TTLL6: variants seen among roughly 807,000 people sequenced by gnomAD.
TTLL6 encodes the protein tubulin tyrosine ligase like 6.
TTLL6 carries 75 observed loss-of-function variants against 96.4 expected under a neutral mutation model. That is an observed-to-expected ratio of 0.78 (90% confidence interval 0.65 to 0.94). The LOEUF is 0.94. Among genes scored for constraint, TTLL6 ranks in the 40% least tolerant of loss-of-function variants. The pLI is 0.00. For synonymous variants in TTLL6, 411 were observed against 419.4 expected (o/e 0.98, Z 0.24); for missense variants, 1,030 against 1,093.0 (o/e 0.94, Z 0.81).
chr17:48,800,667 G>A (rs2039393491), intron 5 of TTLL6, among the ~76,000 whole-genome samples: 1 of 152,100 alleles, frequency 6.6e-6, no homozygotes, highest in South Asian at 2.1e-4. Context: ...TGGTGACAGT[G>A]TTCTACCCCT....
rs376141621 is a variant in TTLL6 at position 48,770,014 on chromosome 17, G to C, written c.2124C>G (p.Thr708=). Residue 708 remains threonine, a synonymous_variant, in exon 14 of 16, where the codon ACC becomes ACG. Coordinates refer to ENST00000393382, the MANE Select transcript of TTLL6 (RefSeq NM_001130918.3). The part of the protein sequence containing the change: ...SPKSPPTLAV[T]ASSEYSGPET... ...CTGGGCCACTGTACTCAGAGCTGGCGGTCACAGCCAGGGTTGGCGGAGACT... is the reference window on the plus strand; with the variant it reads ...CTGGGCCACTGTACTCAGAGCTGGCCGTCACAGCCAGGGTTGGCGGAGACT... The C allele has an allele frequency of 6.2e-7, 1 of 1,614,126 alleles. No homozygotes were observed. Among genetic ancestry groups the C allele is most frequent in the Admixed American group, 1.7e-5 (1 of 59,998 alleles).
chr17:48,813,224 T>C (rs957564357), intron 1 of TTLL6, among the ~76,000 whole-genome samples: 1 of 152,150 alleles, frequency 6.6e-6, no homozygotes, highest in African/African-American at 2.4e-5. Flanking sequence ...ACTGATCTCC[T>C]AACTCCCAAA....
chr17:48,777,193 A>G (rs142193456), intron 13 of TTLL6, among the ~76,000 whole-genome samples: 36 of 152,354 alleles, frequency 2.4e-4, no homozygotes, highest in African/African-American at 8.4e-4. Flanking sequence ...CTGAACATAT[A>G]TATGGGAAAA....
At chr17:48,767,650 CCTT>C (rs1271439129) in intron 15 of TTLL6, among the ~76,000 whole-genome samples, 2 of 152,162 alleles carry the variant, frequency 1.3e-5, no homozygotes, top group Non-Finnish European at 2.9e-5. Context: ...ACATCTCTAG[CCTT>C]CTTCTTTAGA....
At chr17:48,779,932 G>A (rs1004084485) in intron 13 of TTLL6, among the ~76,000 whole-genome samples, 6 of 152,112 alleles carry the variant, frequency 3.9e-5, no homozygotes, top group Non-Finnish European at 8.8e-5. Flanking sequence ...GAGGAAGATT[G>A]CCTGGGAAGA....
At chr17:48,776,508 T>A (rs947607754) in intron 13 of TTLL6, among the ~76,000 whole-genome samples, 2 of 152,198 alleles carry the variant, frequency 1.3e-5, no homozygotes, top group African/African-American at 4.8e-5. Flanking sequence ...ACATTAATCA[T>A]TATTTCTATA....
intron 6 of TTLL6, among the ~76,000 whole-genome samples, chr17:48,798,629 C>T (rs2039358598): frequency 6.6e-6 from 1 of 151,998 alleles, no homozygotes; most frequent in Non-Finnish European, 1.5e-5. Flanking sequence ...CCTAGCTCTA[C>T]TGGGGAGGCT....
chr17:48,812,022 GT>G (rs2039601011), intron 1 of TTLL6: 1 of 148,494 alleles, frequency 6.7e-6, no homozygotes, highest in Admixed American at 6.7e-5. Context: ...TAATTCCCTG[GT>G]TTTCAGAATA....
rs1006393029 is a variant in TTLL6 at position 48,796,077 on chromosome 17, G to A, written c.982C>T (p.His328Tyr). Residue 328 changes from histidine to tyrosine, a missense_variant, in exon 8 of 16, where the codon CAC (histidine) becomes TAC (tyrosine). Coordinates refer to ENST00000393382, the MANE Select transcript of TTLL6 (RefSeq NM_001130918.3). Reference protein sequence around the residue: ...KHSSNFSRDAHSGSKRKLSTF... With the variant: ...KHSSNFSRDAYSGSKRKLSTF... ...CTTCCTTACCTCTTACTGCCAGAGTGTGCATCTCGACTGAAATTTGAACTG... is the reference window on the plus strand; with the variant it reads ...CTTCCTTACCTCTTACTGCCAGAGTATGCATCTCGACTGAAATTTGAACTG... The A allele has an allele frequency of 7.7e-6, 12 of 1,551,244 alleles. No homozygotes were observed. The highest frequency in any genetic ancestry group is 1.4e-5 in the African/African-American group (1 of 73,036).
chr17:48,799,880 CAG>C (rs1173106286), intron 5 of TTLL6, 120 bp from the exon 6 acceptor site: 17 of 865,978 alleles, frequency 2.0e-5, no homozygotes, highest in Non-Finnish European at 3.0e-5. Context: ...CTGGCACTGA[CAG>C]ATGCCCAGAG....
In TTLL6 at chr17:48,769,982, T is replaced by C. The variant is rs2038704744; in HGVS notation, c.2156A>G (p.Asp719Gly). The C allele has an allele frequency of 6.2e-7, 1 of 1,614,032 alleles. No homozygotes were observed. Among genetic ancestry groups the C allele is most frequent in the African/African-American group, 1.3e-5 (1 of 74,902 alleles). Residue 719 changes from aspartate to glycine, a missense_variant, in exon 14 of 16, where the codon GAC (aspartate) becomes GGC (glycine). Coordinates refer to ENST00000393382, the MANE Select transcript of TTLL6 (RefSeq NM_001130918.3). ...ASSEYSGPET[D>G]RVVSFKCKKQ... ...CTTGCATTTAAAGGATACCACCCTG[T>C]CCGTCTCTGGGCCACTGTACTCAGA... is the stretch of plus-strand genomic sequence containing the variant.
chr17:48,790,127 G>T (rs1347230278), intron 9 of TTLL6, 21 bp from the exon 10 acceptor site: 1 of 1,611,150 alleles, frequency 6.2e-7, no homozygotes, highest in South Asian at 1.1e-5. Context: ...AAGATTGGCA[G>T]CTGGTGACAA....
Position 48,802,355 on chromosome 17 carries a change from T to A in TTLL6, c.362-712A>T, listed in dbSNP as rs188875317. Reference sequence around the variant, plus strand: ...CCTTAACATTAGCCAGAGCCAAGCTTAATTAGTATATGGTATATTAAGCAT... The same window carrying A: ...CCTTAACATTAGCCAGAGCCAAGCTAAATTAGTATATGGTATATTAAGCAT... On this transcript the variant is annotated intron_variant, in intron 3 of 15. Coordinates refer to ENST00000393382, the MANE Select transcript of TTLL6 (RefSeq NM_001130918.3). Among the ~76,000 whole-genome samples, 343 of 152,304 alleles carry A rather than the reference T, an allele frequency of 2.3e-3. 3 individuals are homozygous for A. The highest frequency in any genetic ancestry group is 2.1e-3 in the South Asian group (10 of 4,830).
At chr17:48,776,347 G>A (rs2038870452) in intron 13 of TTLL6, among the ~76,000 whole-genome samples, 1 of 152,158 alleles carries the variant, frequency 6.6e-6, no homozygotes, top group East Asian at 1.9e-4. Flanking sequence ...TGTAGTCCCA[G>A]CTACTCAGGA....
At chr17:48,811,856 C>T (rs1210794208) in intron 1 of TTLL6, among the ~76,000 whole-genome samples, 2 of 152,110 alleles carry the variant, frequency 1.3e-5, no homozygotes, top group Admixed American at 1.3e-4. Flanking sequence ...TGTCACCATG[C>T]CGGCCTAATT....
At chr17:48,766,914 C>T (rs917844208) in intron 15 of TTLL6, among the ~76,000 whole-genome samples, 5 of 142,712 alleles carry the variant, frequency 3.5e-5, no homozygotes, top group African/African-American at 5.2e-5. Context: ...ACTTATTACC[C>T]GTATGTTTTT....
chr17:48,773,041 A>G (rs971863481), intron 13 of TTLL6, among the ~76,000 whole-genome samples: 9 of 151,250 alleles, frequency 6.0e-5, no homozygotes, highest in African/African-American at 2.2e-4. Flanking sequence ...GTATTTCTAT[A>G]GGGCTTAAAG....
rs1001423947 is a variant in TTLL6 at position 48,817,149 on chromosome 17, G to A, written c.-77C>T. 4.6e-6 allele frequency: 5 copies of A among 1,094,876 alleles called. No homozygotes were observed. Among genetic ancestry groups the A allele is most frequent in the Non-Finnish European group, 6.5e-6 (5 of 772,782 alleles). 67.8% of individuals were successfully genotyped at this position (1,094,876 alleles called of 1,614,324 possible). A position where few individuals can be genotyped will look rare whatever the true frequency, so the allele number is the denominator to read the frequency against. The stretch of plus-strand genomic sequence containing the variant: ...CGCCCGGCCCTCATATTTGCATACG[G>A]GGCCTTCTAGGCCTTCGATTGGCCC... On this transcript the variant is annotated 5_prime_UTR_variant, in exon 1 of 16. Transcript: ENST00000393382.
intron 1 of TTLL6, among the ~76,000 whole-genome samples, chr17:48,806,923 G>A (rs1007186271): frequency 6.6e-6 from 1 of 151,484 alleles, no homozygotes; most frequent in Non-Finnish European, 1.5e-5. Context: ...CCAGCTACTC[G>A]GCAGGCTGAG....
Sources: allele counts gnomAD v4.1 joint callset (sites outside exome capture counted in the v4.1 genomes callset), GRCh38; gene constraint gnomAD v4.1.1; transcripts MANE v1.5; gene names NCBI Gene and HGNC (gene_info 2026-07-23, HGNC 2026-07-21).